The following PTPRT variants were observed in gnomAD, a reference collection of about 807,000 sequenced individuals.
The protein encoded by PTPRT is protein tyrosine phosphatase receptor type T.
PTPRT carries 56 observed loss-of-function variants against 176.8 expected under a neutral mutation model. The observed-to-expected ratio is 0.32, with a 90% CI of 0.26 to 0.40. The LOEUF (loss-of-function observed/expected upper bound fraction) is 0.40. Among genes scored for constraint, PTPRT ranks in the 10% least tolerant of loss-of-function variants. The probability of loss-of-function intolerance (pLI) is 1.00; values close to 1 mark genes in which losing one functional copy is unlikely to be tolerated. For synonymous variants in PTPRT, 783 were observed against 739.0 expected (o/e 1.06, Z -0.96); for missense variants, 1,540 against 1,908.2 (o/e 0.81, Z 3.60).
chr20:42,861,413 CA>C (rs1295775476), intron 2 of PTPRT, among the ~76,000 whole-genome samples: 2 of 152,090 alleles, frequency 1.3e-5, no homozygotes, highest in Non-Finnish European at 2.9e-5. Flanking sequence ...ATGTATTTTT[CA>C]ACATCTCAAA....
At chr20:42,145,360 C>A (rs190392098) in intron 17 of PTPRT, among the ~76,000 whole-genome samples, 1 of 152,154 alleles carries the variant, frequency 6.6e-6, no homozygotes, top group South Asian at 2.1e-4. Context: ...ATTAGCTGGG[C>A]GTGGTGACAC....
At chr20:42,508,010 C>T (rs927743130) in intron 7 of PTPRT, among the ~76,000 whole-genome samples, 2 of 151,892 alleles carry the variant, frequency 1.3e-5, no homozygotes, top group Non-Finnish European at 2.9e-5. Context: ...TTTAATCATG[C>T]TTTTATCTTT....
rs76648469 is a variant in PTPRT, at chr20:42,575,582, A to G, written c.1153+102284T>C. On this transcript the variant is annotated intron_variant, in intron 7 of 30. Transcript: ENST00000373187. ...CAGGGGCAGACAAATATTTTCTGTAAAGGACCAGACAGTAAACATTTTAGG... is the reference window on the plus strand; with the variant it reads ...CAGGGGCAGACAAATATTTTCTGTAGAGGACCAGACAGTAAACATTTTAGG... Among the ~76,000 whole-genome samples, 1,063 of 152,276 alleles carry G rather than the reference A, an allele frequency of 7.0e-3. 9 individuals carry two copies. The highest frequency in any genetic ancestry group is 0.025 in the African/African-American group (1,023 of 41,552).
chr20:42,184,534 C>CTT (rs879657191), intron 16 of PTPRT, among the ~76,000 whole-genome samples: 9,717 of 94,428 alleles, frequency 0.1, 767 homozygotes, highest in Non-Finnish European at 0.13. Flanking sequence ...TCTTCTTCTT[C>CTT]CTCTTCCTCT....
intron 9 of PTPRT, among the ~76,000 whole-genome samples, chr20:42,405,518 G>C (rs2039459763): frequency 1.3e-5 from 2 of 152,178 alleles, no homozygotes; most frequent in Admixed American, 6.5e-5. Context: ...CAAAGGACAG[G>C]AACTCATCAT....
At chr20:42,836,003 G>A (rs2078174701) in intron 2 of PTPRT, among the ~76,000 whole-genome samples, 1 of 152,100 alleles carries the variant, frequency 6.6e-6, no homozygotes, top group East Asian at 1.9e-4. Context: ...TGAAGGAGGA[G>A]TTTGGATGAT....
chr20:42,847,951 G>A (rs768523373), intron 2 of PTPRT, among the ~76,000 whole-genome samples: 12 of 152,210 alleles, frequency 7.9e-5, no homozygotes, highest in African/African-American at 1.7e-4. Context: ...AGTATACACC[G>A]TACCCAATTT....
chr20:42,850,056 A>G (rs1229030832), intron 2 of PTPRT, among the ~76,000 whole-genome samples: 1 of 152,208 alleles, frequency 6.6e-6, no homozygotes, highest in Non-Finnish European at 1.5e-5. Flanking sequence ...CCTGGGCTGC[A>G]TGTTATGAAA....
chr20:43,022,254 A>C (rs559879785), intron 1 of PTPRT, among the ~76,000 whole-genome samples: 1 of 152,326 alleles, frequency 6.6e-6, no homozygotes, highest in Non-Finnish European at 1.5e-5. Context: ...TCTTCAGTGC[A>C]CTGATGGTGG....
chr20:42,852,962 G>A (rs1003681781), intron 2 of PTPRT, among the ~76,000 whole-genome samples: 2 of 152,184 alleles, frequency 1.3e-5, no homozygotes, highest in Non-Finnish European at 2.9e-5. Flanking sequence ...GATGGTGGTG[G>A]AGCTGCCCAG....
intron 8 of PTPRT, among the ~76,000 whole-genome samples, chr20:42,456,482 T>A (rs1207482252): frequency 6.6e-6 from 1 of 152,036 alleles, no homozygotes; most frequent in Non-Finnish European, 1.5e-5. Flanking sequence ...AGTATGATGT[T>A]TGTAGGTTTT....
intron 1 of PTPRT, among the ~76,000 whole-genome samples, chr20:43,087,504 C>A (rs2011645467): frequency 6.6e-6 from 1 of 151,582 alleles, no homozygotes; most frequent in Non-Finnish European, 1.5e-5. Context: ...GCTGGGATTA[C>A]AGGCATGTGC....
At chr20:43,180,350 T>C (rs1469922515) in intron 1 of PTPRT, among the ~76,000 whole-genome samples, 1 of 150,456 alleles carries the variant, frequency 6.6e-6, no homozygotes, top group African/African-American at 2.4e-5. Flanking sequence ...AATCTCTCTC[T>C]CTCTCTCTCT....
chr20:42,807,634 C>T (rs954339858), intron 2 of PTPRT, among the ~76,000 whole-genome samples: 7 of 152,108 alleles, frequency 4.6e-5, no homozygotes, highest in African/African-American at 1.7e-4. Context: ...TGATATACTA[C>T]GACCCAGGGC....
intron 7 of PTPRT, among the ~76,000 whole-genome samples, chr20:42,653,837 T>G (rs983920901): frequency 4.6e-5 from 7 of 152,170 alleles, no homozygotes; most frequent in African/African-American, 1.7e-4. Flanking sequence ...GTAATGAAAT[T>G]TTTTGAACAG....
chr20:43,137,012 T>C (rs550305308), intron 1 of PTPRT, among the ~76,000 whole-genome samples: 2 of 152,292 alleles, frequency 1.3e-5, no homozygotes, highest in South Asian at 4.2e-4. Flanking sequence ...AATGCCAGAT[T>C]CTAGAATCCA....
chr20:42,083,533 G>T (rs1334718932), intron 29 of PTPRT, among the ~76,000 whole-genome samples: 1 of 152,202 alleles, frequency 6.6e-6, no homozygotes, highest in Admixed American at 6.5e-5. Flanking sequence ...CTGAAGCTCT[G>T]TGTGTGCATC....
At chr20:43,112,070 T>C (rs924005627) in intron 1 of PTPRT, among the ~76,000 whole-genome samples, 5 of 152,324 alleles carry the variant, frequency 3.3e-5, no homozygotes, top group Admixed American at 3.3e-4. Context: ...TCCTCATATG[T>C]ATACAGCAAT....
chr20:43,020,145 T>C (rs1045873282), intron 1 of PTPRT, among the ~76,000 whole-genome samples: 4 of 148,448 alleles, frequency 2.7e-5, no homozygotes, highest in Non-Finnish European at 5.9e-5. Context: ...CATGTGTGTG[T>C]ACATATGTGC....
Sources: allele counts gnomAD v4.1 joint callset (sites outside exome capture counted in the v4.1 genomes callset), GRCh38; gene constraint gnomAD v4.1.1; transcripts MANE v1.5; gene names NCBI Gene and HGNC (gene_info 2026-07-23, HGNC 2026-07-21).